The following ZC3H7A variants were observed in gnomAD, a reference collection of about 807,000 sequenced individuals.
ZC3H7A encodes the protein zinc finger CCCH-type containing 7A.
A neutral mutation model predicts 125.5 loss-of-function variants in ZC3H7A; 44 were observed. The ratio of observed to expected loss-of-function variants is 0.35; its 90% CI spans 0.28 to 0.45. ZC3H7A has a LOEUF of 0.45. Among genes scored for constraint, ZC3H7A ranks in the 20% least tolerant of loss-of-function variants. The pLI is 1.00. For missense variants in ZC3H7A, 977 were observed against 1,170.7 expected (o/e 0.83, Z 2.41); for synonymous variants, 399 against 391.2 (o/e 1.02, Z -0.23).
chr16:11,772,165 A>G (rs2052995387), intron 9 of ZC3H7A, among the ~76,000 whole-genome samples: 2 of 151,238 alleles, frequency 1.3e-5, no homozygotes, highest in South Asian at 4.2e-4. Flanking sequence ...ACTGCACACC[A>G]GCCTGGGCGA....
chr16:11,772,723 G>A (rs1278970254), intron 9 of ZC3H7A, among the ~76,000 whole-genome samples: 3 of 149,452 alleles, frequency 2.0e-5, no homozygotes, highest in African/African-American at 7.5e-5. Context: ...TTGAGACAGA[G>A]TATTGATCTG....
chr16:11,764,866 A>G (rs2052828203), intron 15 of ZC3H7A, 187 bp downstream of exon 15: 1 of 467,620 alleles, frequency 2.1e-6, no homozygotes, highest in Non-Finnish European at 3.7e-6. Flanking sequence ...TACATAATAT[A>G]TTTAGTTAAT....
At chr16:11,794,907 G>C (rs2053411106) in intron 1 of ZC3H7A, among the ~76,000 whole-genome samples, 1 of 152,184 alleles carries the variant, frequency 6.6e-6, no homozygotes, top group African/African-American at 2.4e-5. Context: ...AGAGGGTGTA[G>C]GTCTGTGTAA....
In ZC3H7A at chr16:11,756,057, G is replaced by A. The variant is rs192778015; in HGVS notation, c.2562+180C>T. Among the ~76,000 whole-genome samples, 224 of 152,256 alleles carry A rather than the reference G, an allele frequency of 1.5e-3. 1 individual carries two copies. The highest frequency in any genetic ancestry group is 2.7e-3 in the Admixed American group (41 of 15,294). On this transcript the variant is annotated intron_variant, in intron 21 of 22. Coordinates refer to ENST00000355758, the MANE Select transcript of ZC3H7A (RefSeq NM_014153.4). ...GCGAGCCTATAATCCCAGCTACTTG[G>A]GAGGCTGAGGCAAGAGAATTGCTTG...
At chr16:11,753,565 C>T (rs1712379378) in intron 21 of ZC3H7A, 1 of 152,414 alleles carries the variant, frequency 6.6e-6, no homozygotes, top group South Asian at 2.1e-4. Flanking sequence ...CTTCAGCCTC[C>T]TGAGTGGCTA....
At chr16:11,781,290 A>T (rs2053169687) in intron 3 of ZC3H7A, 135 bp downstream of exon 3, 1 of 733,502 alleles carries the variant, frequency 1.4e-6, no homozygotes, top group Non-Finnish European at 2.1e-6. Context: ...CAAAAAAATA[A>T]AATAAAATAA....
intron 1 of ZC3H7A, among the ~76,000 whole-genome samples, chr16:11,788,063 A>T (rs9934113): frequency 5.9e-5 from 9 of 151,954 alleles, no homozygotes; most frequent in African/African-American, 2.2e-4. Context: ...ATTTTTGGAT[A>T]CTGTTAAAAT....
At chr16:11,794,123 AG>A (rs934559713) in intron 1 of ZC3H7A, among the ~76,000 whole-genome samples, 17 of 152,214 alleles carry the variant, frequency 1.1e-4, no homozygotes, top group African/African-American at 4.1e-4. Flanking sequence ...TTCATGTAAA[AG>A]CTTCATGACA....
intron 10 of ZC3H7A, among the ~76,000 whole-genome samples, chr16:11,769,469 A>G (rs2141185588): frequency 6.6e-6 from 1 of 152,016 alleles, no homozygotes; most frequent in African/African-American, 2.4e-5. Context: ...GTACTTTAGG[A>G]GGCCAAAGTG....
At chr16:11,790,715 T>C (rs1486411866) in intron 1 of ZC3H7A, among the ~76,000 whole-genome samples, 1 of 151,952 alleles carries the variant, frequency 6.6e-6, no homozygotes, top group Non-Finnish European at 1.5e-5. Context: ...AATTTTGTAT[T>C]TTTAGTAGAG....
rs1231263433 is a variant in ZC3H7A, at chr16:11,763,797, AT to A, written c.1821-139del. 1.5e-3 allele frequency: 342 copies of A among 232,792 alleles called. 7 individuals are homozygous for A. Among genetic ancestry groups the A allele is most frequent in the African/African-American group, 9.7e-3 (322 of 33,086 alleles). 14.4% of individuals were successfully genotyped at this position (232,792 alleles called of 1,614,324 possible). ...GTTCTACACTGACAATACATTTAAA[AT>A]TTTTTTTTCTCTTTTTTTTTTTTGA... is the stretch of plus-strand genomic sequence containing the variant. On this transcript the variant is annotated intron_variant, in intron 15 of 22. Transcript: ENST00000355758.
intron 11 of ZC3H7A, 74 bp from the exon 12 acceptor site, chr16:11,768,575 A>C (rs534507368): frequency 7.9e-7 from 1 of 1,260,116 alleles, no homozygotes; most frequent in African/African-American, 1.5e-5. Flanking sequence ...AAAGGAACTG[A>C]ATTCATCTGA....
intron 9 of ZC3H7A, among the ~76,000 whole-genome samples, chr16:11,773,492 T>A (rs1315341758): frequency 6.6e-6 from 1 of 151,932 alleles, no homozygotes; most frequent in Non-Finnish European, 1.5e-5. Context: ...TTGCAAGCCA[T>A]ACAAAAACAG....
intron 22 of ZC3H7A, among the ~76,000 whole-genome samples, chr16:11,752,195 A>T (rs548948788): frequency 2.2e-4 from 33 of 152,338 alleles, no homozygotes; most frequent in African/African-American, 7.5e-4. Flanking sequence ...CGTAGCCACC[A>T]TGCCCGGCTG....
Position 11,788,104 on chromosome 16 carries a change from T to C in ZC3H7A, c.-34-5716A>G, listed in dbSNP as rs2053287256. Among the ~76,000 whole-genome samples the C allele has an allele frequency of 2.6e-5, 4 of 152,182 alleles. No homozygotes were observed. In the South Asian group the frequency reaches 8.3e-4, roughly 32 times the overall value. On this transcript the variant is annotated intron_variant, in intron 1 of 22. Coordinates refer to ENST00000355758, the MANE Select transcript of ZC3H7A (RefSeq NM_014153.4). ...CTCAATTTTAAAGAAAGAAAGAATT[T>C]TACAAAGTTAACCCAACAGTCTCTT... is the stretch of plus-strand genomic sequence containing the variant.
At chr16:11,767,785 C>G (rs2052886790) in intron 12 of ZC3H7A, among the ~76,000 whole-genome samples, 1 of 152,020 alleles carries the variant, frequency 6.6e-6, no homozygotes, top group Non-Finnish European at 1.5e-5. Context: ...TTCTATTCAA[C>G]TCCACTCCTG....
At chr16:11,782,081 T>C (rs2053182375) in intron 2 of ZC3H7A, among the ~76,000 whole-genome samples, 1 of 152,166 alleles carries the variant, frequency 6.6e-6, no homozygotes, top group Admixed American at 6.5e-5. Context: ...ATTGTAGCCC[T>C]AAAAGCCAGC....
chr16:11,752,552 T>G lies in ZC3H7A; in HGVS notation c.2726+117A>C. On this transcript the variant is annotated intron_variant, in intron 22 of 22. Transcript: ENST00000355758. ...CAAAACCCAAGAATCCTTCAGGGTC[T>G]GTCAGAGCACAGCAACATTAGAACT... 19 of 1,294,686 alleles carry G rather than the reference T, an allele frequency of 1.5e-5. No individual in the cohort carries two copies. The South Asian group carries it at 2.9e-4, about 20-fold the overall frequency. 80.2% of individuals were successfully genotyped at this position (1,294,686 alleles called of 1,614,324 possible).
Position 11,770,843 on chromosome 16 carries a change from A to G in ZC3H7A, c.1048T>C (p.Ser350Pro). Residue 350 changes from serine to proline, a missense_variant, in exon 10 of 23, where the codon TCA (serine) becomes CCA (proline). Physicochemically the swap from Ser to Pro is moderately conservative, Grantham distance 74. Around this residue, in one of 3 missense-constraint regions of ZC3H7A, gnomAD observed 342 missense variants for 311.3 expected, o/e 1.10. Coordinates refer to ENST00000355758, the MANE Select transcript of ZC3H7A (RefSeq NM_014153.4). ...GAAGAACAAAAATCTTCTAAGGATG[A>G]AGTCAAAGGTGGATAAAATTCTGAG... is the stretch of plus-strand genomic sequence containing the variant. The part of the protein sequence containing the change: ...SFSEFYPPLT[S>P]SLEDFCSSLN... The G allele has an allele frequency of 6.2e-7, 1 of 1,614,206 alleles. No homozygotes were observed. Among genetic ancestry groups the G allele is most frequent in the Non-Finnish European group, 8.5e-7 (1 of 1,180,036 alleles).
Sources: gnomAD v4.1 joint callset for allele counts (sites outside exome capture counted in the v4.1 genomes callset) on GRCh38, gnomAD v4.1.1 for gene constraint, gnomAD v4.1.1 regional missense constraint, MANE v1.5 for transcripts, NCBI Gene and HGNC (gene_info 2026-07-23, HGNC 2026-07-21) for gene names.